ZNF717: variants seen among roughly 807,000 people sequenced by gnomAD.
ZNF717 encodes the protein zinc finger protein 717, also known as krueppel-like factor X17.
A neutral mutation model predicts 13.8 loss-of-function variants in ZNF717; 9 were observed. That is an observed-to-expected ratio of 0.65 (90% CI 0.39 to 1.14). ZNF717 has a LOEUF of 1.14. ZNF717 is among the 50% of genes most tolerant of loss of function. ZNF717 has a pLI of 0.01. For synonymous variants in ZNF717, 327 were observed against 364.1 expected (o/e 0.90, Z 1.16); for missense variants, 1,040 against 1,080.7 (o/e 0.96, Z 0.53).
At chr3:75,733,798 A>AAAAAAAAAAAC (rs1466437540), downstream of ZNF717, among the ~76,000 whole-genome samples, 1 of 118,774 alleles carries the variant, frequency 8.4e-6, no homozygotes, top group Non-Finnish European at 1.9e-5. Context: ...AAAAAAAAAA[A>AAAAAAAAAAAC]AATTACATTC....
intron 4 of ZNF717, 25 bp from the exon 5 acceptor site, chr3:75,739,370 T>C: frequency 2.1e-6 from 3 of 1,431,320 alleles, no homozygotes; most frequent in Non-Finnish European, 1.8e-6. Flanking sequence ...AAGGTATCCA[T>C]GAACCACACA....
chr3:75,747,561 G>C (rs1376128346), intron 2 of ZNF717, among the ~76,000 whole-genome samples: 2 of 152,108 alleles, frequency 1.3e-5, no homozygotes, highest in African/African-American at 4.8e-5. Context: ...AGTTCTCCTT[G>C]AAGACCTTCT....
chr3:75,775,559 A>G (rs1944244577), intron 2 of ZNF717, among the ~76,000 whole-genome samples: 1 of 152,338 alleles, frequency 6.6e-6, no homozygotes, highest in Non-Finnish European at 1.5e-5. Flanking sequence ...CTGGTTAAGA[A>G]TTCCCAAAAG....
intron 2 of ZNF717, among the ~76,000 whole-genome samples, chr3:75,782,100 T>C (rs187303553): frequency 6.6e-6 from 1 of 152,164 alleles, no homozygotes; most frequent in Admixed American, 6.6e-5. Context: ...CGTTTCTCTC[T>C]AACTCGCTCG....
chr3:75,695,242 G>T (rs1420243152), intron 6 of ZNF717, among the ~76,000 whole-genome samples: 25 of 146,166 alleles, frequency 1.7e-4, no homozygotes, highest in Non-Finnish European at 8.8e-5. Context: ...AGATTAAAAA[G>T]GTCATTATAT....
intron 2 of ZNF717, among the ~76,000 whole-genome samples, chr3:75,774,961 A>G (rs1263503519): frequency 2.1e-5 from 3 of 146,168 alleles, no homozygotes; most frequent in Admixed American, 6.9e-5. Flanking sequence ...TATCTATCAT[A>G]ATTACCTGTT....
chr3:75,772,458 G>A (rs1321960171), intron 2 of ZNF717, among the ~76,000 whole-genome samples: 1 of 152,218 alleles, frequency 6.6e-6, no homozygotes, highest in Non-Finnish European at 1.5e-5. Context: ...CCAAGCCAGG[G>A]CTATGACACC....
chr3:75,712,551 T>C (rs1475659964), intron 5 of ZNF717, among the ~76,000 whole-genome samples: 127 of 152,346 alleles, frequency 8.3e-4, no homozygotes, highest in African/African-American at 2.8e-3. Context: ...TAAATTCCCT[T>C]TCACAAATGA....
exon 6 of ZNF717, chr3:75,710,468 T>A (rs1480005077): frequency 6.6e-6 from 1 of 152,278 alleles, no homozygotes; most frequent in Non-Finnish European, 1.5e-5. Context: ...ACATCATTAT[T>A]CTGCCAAGTG....
intron 2 of ZNF717, among the ~76,000 whole-genome samples, chr3:75,753,262 T>C (rs1575851446): frequency 6.6e-6 from 1 of 151,978 alleles, no homozygotes; most frequent in South Asian, 2.1e-4. Flanking sequence ...TAAATGTCTG[T>C]CCCTCACATA....
chr3:75,712,549 C>T (rs111724421), intron 5 of ZNF717, among the ~76,000 whole-genome samples: 1 of 151,946 alleles, frequency 6.6e-6, no homozygotes, highest in Non-Finnish European at 1.5e-5. Context: ...CATAAATTCC[C>T]TTTCACAAAT....
At chr3:75,725,820 T>C (rs77849737), downstream of ZNF717, among the ~76,000 whole-genome samples, 21 of 143,098 alleles carry the variant, frequency 1.5e-4, no homozygotes, top group South Asian at 4.5e-4. Context: ...TCCCACAATA[T>C]GTGGGAATTA....
chr3:75,776,265 C>T (rs1944310563), intron 2 of ZNF717, among the ~76,000 whole-genome samples: 1 of 152,268 alleles, frequency 6.6e-6, no homozygotes, highest in Admixed American at 6.5e-5. Context: ...GTGGTGATTT[C>T]TAAATTGCTA....
intron 6 of ZNF717, among the ~76,000 whole-genome samples, chr3:75,700,626 C>G (rs1575758398): frequency 6.6e-6 from 1 of 152,298 alleles, no homozygotes; most frequent in African/African-American, 2.4e-5. Context: ...ACCTTAGAAA[C>G]AAACTCATAC....
intron 2 of ZNF717, among the ~76,000 whole-genome samples, chr3:75,782,975 G>A (rs115259273): frequency 0.035 from 5,387 of 152,334 alleles, 117 homozygotes; most frequent in South Asian, 0.064. Flanking sequence ...TGTCACCACC[G>A]AAGGTGGTGG....
chr3:75,701,306 T>A (rs1575710954), intron 6 of ZNF717, among the ~76,000 whole-genome samples: 2 of 152,426 alleles, frequency 1.3e-5, no homozygotes, highest in East Asian at 3.9e-4. Context: ...CCATCTGCCA[T>A]GATTGTGAGT....
chr3:75,722,712 G>A (rs1191775936), intron 4 of ZNF717, among the ~76,000 whole-genome samples: 2 of 148,794 alleles, frequency 1.3e-5, no homozygotes, highest in Non-Finnish European at 3.0e-5. Context: ...TATTTGGGAG[G>A]CGGAGGCAGG....
intron 4 of ZNF717, among the ~76,000 whole-genome samples, chr3:75,717,610 G>C (rs1325255707): frequency 1.6e-4 from 24 of 152,280 alleles, no homozygotes; most frequent in African/African-American, 5.5e-4. Flanking sequence ...ATGATATGGA[G>C]ATCAGTGTGA....
chr3:75,697,254 A>G (rs10222664), intron 6 of ZNF717, among the ~76,000 whole-genome samples: 5 of 141,638 alleles, frequency 3.5e-5, no homozygotes, highest in Admixed American at 2.1e-4. Flanking sequence ...TTTTTTTACC[A>G]ATGATATAAT....
Sources: allele counts gnomAD v4.1 joint callset (sites outside exome capture counted in the v4.1 genomes callset), GRCh38; gene constraint gnomAD v4.1.1; transcripts MANE v1.5; gene names NCBI Gene and HGNC (gene_info 2026-07-23, HGNC 2026-07-21).